MOB3B: variants seen among roughly 807,000 people sequenced by gnomAD.
MOB3B encodes MOB kinase activator-like 2B.
MOB3B carries 7 observed loss-of-function variants against 18.7 expected under a neutral mutation model. The observed-to-expected ratio is 0.37, with a 90% CI of 0.21 to 0.70. MOB3B has a LOEUF of 0.70. Among genes scored for constraint, MOB3B ranks in the 30% least tolerant of loss-of-function variants. MOB3B has a pLI of 0.52. For missense variants in MOB3B, 253 were observed against 281.3 expected (o/e 0.90, Z 0.72); for synonymous variants, 111 against 99.9 (o/e 1.11, Z -0.66).
chr9:27,395,985 G>A (rs1208997045), intron 2 of MOB3B, among the ~76,000 whole-genome samples: 1 of 152,162 alleles, frequency 6.6e-6, no homozygotes, highest in Non-Finnish European at 1.5e-5. Flanking sequence ...GTTACTGGCT[G>A]GGAGCTTTGA....
intron 1 of MOB3B, among the ~76,000 whole-genome samples, chr9:27,488,181 T>C (rs1451411216): frequency 1.3e-5 from 2 of 152,164 alleles, no homozygotes; most frequent in Non-Finnish European, 2.9e-5. Flanking sequence ...GTTGTATCCA[T>C]GGGAGGCAGA....
chr9:27,354,062 G>C (rs1360487955), intron 3 of MOB3B, among the ~76,000 whole-genome samples: 1 of 152,254 alleles, frequency 6.6e-6, no homozygotes, highest in Non-Finnish European at 1.5e-5. Flanking sequence ...CCCTGCTGGA[G>C]ACCAAGTGAA....
intron 1 of MOB3B, among the ~76,000 whole-genome samples, chr9:27,468,039 T>C (rs1819412877): frequency 6.6e-6 from 1 of 152,240 alleles, no homozygotes; most frequent in Non-Finnish European, 1.5e-5. Context: ...AGTTAGCTGT[T>C]TTTGTTAGCA....
chr9:27,332,767 GA>G (rs2131330423), intron 3 of MOB3B, among the ~76,000 whole-genome samples: 1 of 152,274 alleles, frequency 6.6e-6, no homozygotes, highest in East Asian at 1.9e-4. Context: ...TATTGATGAG[GA>G]AAAACCCTCA....
intron 2 of MOB3B, among the ~76,000 whole-genome samples, chr9:27,414,386 C>A (rs1384170790): frequency 6.6e-6 from 1 of 152,208 alleles, no homozygotes; most frequent in Non-Finnish European, 1.5e-5. Context: ...TTCATCTGAA[C>A]CAGACTGTTG....
intron 3 of MOB3B, among the ~76,000 whole-genome samples, chr9:27,354,653 C>T (rs907683906): frequency 1.3e-5 from 2 of 152,130 alleles, no homozygotes; most frequent in African/African-American, 4.8e-5. Flanking sequence ...GTGCATCATC[C>T]TTAAAGTACT....
intron 1 of MOB3B, among the ~76,000 whole-genome samples, chr9:27,528,746 G>A (rs1304738918): frequency 6.6e-6 from 1 of 152,042 alleles, no homozygotes; most frequent in Non-Finnish European, 1.5e-5. Context: ...TCTCTGTGGG[G>A]AGGGTTAGGG....
At chr9:27,448,882 T>C (rs1822737114) in intron 2 of MOB3B, among the ~76,000 whole-genome samples, 1 of 152,182 alleles carries the variant, frequency 6.6e-6, no homozygotes, top group South Asian at 2.1e-4. Context: ...CAAACACTTT[T>C]CCCATCCTCT....
At chr9:27,524,576 G>C in intron 1 of MOB3B, 1 of 1,614,082 alleles carries the variant, frequency 6.2e-7, no homozygotes, top group Non-Finnish European at 8.5e-7. Context: ...AACCTATGAA[G>C]AGGGACATCA....
At chr9:27,424,159 C>T (rs1822294859) in intron 2 of MOB3B, among the ~76,000 whole-genome samples, 1 of 152,152 alleles carries the variant, frequency 6.6e-6, no homozygotes, top group Non-Finnish European at 1.5e-5. Flanking sequence ...CTTGACATCC[C>T]CTATGCTTAG....
intron 3 of MOB3B, among the ~76,000 whole-genome samples, chr9:27,357,332 G>T (rs918286365): frequency 3.6e-4 from 55 of 150,714 alleles, no homozygotes; most frequent in African/African-American, 1.3e-3. Flanking sequence ...ATCCTGGAGG[G>T]ACTGCCCCTC....
At chr9:27,426,365 A>C (rs1251578118) in intron 2 of MOB3B, among the ~76,000 whole-genome samples, 4 of 152,336 alleles carry the variant, frequency 2.6e-5, no homozygotes, top group African/African-American at 9.6e-5. Flanking sequence ...CATGAGCAGA[A>C]CAGGAAGGTA....
chr9:27,391,083 G>C (rs1821721214), intron 2 of MOB3B, among the ~76,000 whole-genome samples: 1 of 152,178 alleles, frequency 6.6e-6, no homozygotes, highest in African/African-American at 2.4e-5. Flanking sequence ...GAGGAGTTCT[G>C]AAGTTTGAGT....
At chr9:27,407,593 C>G (rs1822002053) in intron 2 of MOB3B, among the ~76,000 whole-genome samples, 1 of 152,118 alleles carries the variant, frequency 6.6e-6, no homozygotes. Flanking sequence ...CTTGGAGAAG[C>G]AGTGGTGATA....
intron 2 of MOB3B, among the ~76,000 whole-genome samples, chr9:27,449,133 C>T (rs1378153670): frequency 6.6e-6 from 1 of 152,082 alleles, no homozygotes; most frequent in Non-Finnish European, 1.5e-5. Flanking sequence ...AAGCCAGGAG[C>T]CTAAAGAAAT....
At chr9:27,391,006 T>C (rs557460166) in intron 2 of MOB3B, among the ~76,000 whole-genome samples, 1 of 152,334 alleles carries the variant, frequency 6.6e-6, no homozygotes, top group Non-Finnish European at 1.5e-5. Flanking sequence ...AAACTGTGTT[T>C]ACAAGTTACT....
At chr9:27,516,784 T>C (rs553319969) in intron 1 of MOB3B, among the ~76,000 whole-genome samples, 13 of 152,326 alleles carry the variant, frequency 8.5e-5, no homozygotes, top group African/African-American at 3.1e-4. Flanking sequence ...CTGATTCTTA[T>C]AGTCTTACCA....
chr9:27,349,117 G>T (rs182456513), intron 3 of MOB3B, among the ~76,000 whole-genome samples: 1 of 152,338 alleles, frequency 6.6e-6, no homozygotes, highest in Admixed American at 6.5e-5. Context: ...GATGCACAAT[G>T]TAATAGGACT....
At chr9:27,465,827 G>A (rs763911315) in intron 1 of MOB3B, among the ~76,000 whole-genome samples, 17 of 152,122 alleles carry the variant, frequency 1.1e-4, no homozygotes, top group East Asian at 1.9e-4. Context: ...TGGCCCTTTC[G>A]GCCACAGCTG....
Sources: gnomAD v4.1 joint callset for allele counts (sites outside exome capture counted in the v4.1 genomes callset) on GRCh38, gnomAD v4.1.1 for gene constraint, MANE v1.5 for transcripts, NCBI Gene and HGNC (gene_info 2026-07-23, HGNC 2026-07-21) for gene names.